The following LDLRAD3 variants were observed in gnomAD, a reference collection of about 807,000 sequenced individuals.
LDLRAD3 encodes the protein low density lipoprotein receptor class A domain containing 3, also known as low-density lipoprotein receptor class A domain-containing protein 3.
LDLRAD3 carries 20 observed loss-of-function variants against 29.4 expected under a neutral mutation model. The observed-to-expected ratio is 0.68, with a 90% CI of 0.48 to 0.99. The LOEUF (loss-of-function observed/expected upper bound fraction) is 0.99, where lower values mean the gene tolerates loss of function less well. Ranked by LOEUF, LDLRAD3 falls within the 50% of genes least tolerant of loss-of-function variation. The pLI, the probability that LDLRAD3 is intolerant of heterozygous loss-of-function variation, is 0.00. For missense variants in LDLRAD3, 420 were observed against 454.3 expected, an observed-to-expected ratio of 0.92 and a Z score of 0.69; for synonymous variants, 157 against 192.7, an observed-to-expected ratio of 0.81 and a Z score of 1.53.
intron 2 of LDLRAD3, among the ~76,000 whole-genome samples, chr11:36,060,343 G>A (rs1440181009): frequency 7.7e-6 from 1 of 129,464 alleles, no homozygotes; most frequent in Non-Finnish European, 1.6e-5. Flanking sequence ...GACAGAGCAA[G>A]ACTCTGTCTC....
In LDLRAD3 at chr11:36,139,665, G is replaced by C. The variant is rs75125790; in HGVS notation, c.454+41204G>C. 9.2e-5 allele frequency among the ~76,000 whole-genome samples: 14 copies of C among 152,278 alleles called. No individual in the cohort carries two copies. In the East Asian group the frequency reaches 2.7e-3, roughly 29 times the overall value. On this transcript the variant is annotated intron_variant, in intron 4 of 5. Transcript: ENST00000315571. Reference sequence around the variant, plus strand: ...ACAGCTGATGAGTCCAAACCTGTGCGCTTCCCCATAAACCACCAAACCCTG... The same window carrying C: ...ACAGCTGATGAGTCCAAACCTGTGCCCTTCCCCATAAACCACCAAACCCTG...
chr11:36,042,780 G>A (rs1282965337), intron 2 of LDLRAD3, among the ~76,000 whole-genome samples: 1 of 152,216 alleles, frequency 6.6e-6, no homozygotes, highest in Non-Finnish European at 1.5e-5. Flanking sequence ...AAGATGATGT[G>A]AAGACTTGGA....
rs1386245157 is a variant in LDLRAD3 at position 36,199,726 on chromosome 11, T to C, written c.455-27359T>C. On this transcript the variant is annotated intron_variant, in intron 4 of 5. Transcript: ENST00000315571. ...GTGTCATAAAGAGTTGTCTTCTCCCTCTTGAGTTGATTTTTCTCTTATATT... is the reference window on the plus strand; with the variant it reads ...GTGTCATAAAGAGTTGTCTTCTCCCCCTTGAGTTGATTTTTCTCTTATATT... 2.0e-5 allele frequency among the ~76,000 whole-genome samples: 3 copies of C among 152,254 alleles called. No individual in the cohort carries two copies. In the South Asian group the frequency reaches 6.2e-4, roughly 31 times the overall value.
intron 3 of LDLRAD3, among the ~76,000 whole-genome samples, chr11:36,095,563 T>C (rs1853348032): frequency 6.6e-6 from 1 of 152,262 alleles, no homozygotes. Context: ...TTTTGGGTTA[T>C]ATGCATTAAA....
At position 35,944,937 on chromosome 11, in the gene LDLRAD3, T is replaced by G. The variant is rs1851037954; in HGVS notation, c.46+793T>G. ...CCTCTTTCCCTTCCAGACAGCGTGC[T>G]GTTCCCAGGAACTTTTCTGCTGATG... On this transcript the variant is annotated intron_variant, in intron 1 of 5. Transcript: ENST00000315571. The surrounding 1 kb of genome is among the most constrained non-coding windows in gnomAD (Gnocchi z 4.9). 6.6e-6 allele frequency among the ~76,000 whole-genome samples: 1 copy of G among 152,258 alleles called. No individual in the cohort carries two copies. Among genetic ancestry groups the G allele is most frequent in the African/African-American group, 2.4e-5 (1 of 41,468 alleles).
At chr11:36,187,428 A>G (rs1420567100) in intron 4 of LDLRAD3, among the ~76,000 whole-genome samples, 1 of 152,202 alleles carries the variant, frequency 6.6e-6, no homozygotes. Context: ...ATGTTGTTTT[A>G]TTATAGGAAC....
intron 4 of LDLRAD3, among the ~76,000 whole-genome samples, chr11:36,210,678 G>A (rs1392567558): frequency 5.3e-5 from 8 of 152,094 alleles, no homozygotes; most frequent in African/African-American, 1.9e-4. Context: ...GTATAAATAT[G>A]AGACATCCAA....
intron 2 of LDLRAD3, among the ~76,000 whole-genome samples, chr11:36,078,051 T>C (rs1488891558): frequency 6.6e-6 from 1 of 152,150 alleles, no homozygotes; most frequent in Non-Finnish European, 1.5e-5. Context: ...TTGATGAGTG[T>C]TCAGCTCTCA....
intron 4 of LDLRAD3, among the ~76,000 whole-genome samples, chr11:36,131,769 G>A (rs1036452178): frequency 6.6e-6 from 1 of 152,198 alleles, no homozygotes; most frequent in African/African-American, 2.4e-5. Context: ...CCTATTTATA[G>A]TTTCTAACAT....
chr11:36,026,365 A>G (rs919638079), intron 1 of LDLRAD3, among the ~76,000 whole-genome samples: 3 of 152,134 alleles, frequency 2.0e-5, no homozygotes, highest in African/African-American at 4.8e-5. Flanking sequence ...GTCTCACTGA[A>G]TGTTCTCTTG....
rs754835407 is a variant in LDLRAD3, at chr11:36,215,059, C to T, written c.455-12026C>T. ...TGGGTGGGGGGATGGAGAGTGATGT[C>T]GGTGGGCCAGAAAGGAGTAGAGTCT... On this transcript the variant is annotated intron_variant, in intron 4 of 5. Coordinates refer to ENST00000315571, the MANE Select transcript of LDLRAD3 (RefSeq NM_174902.4). Among the ~76,000 whole-genome samples the T allele has an allele frequency of 2.0e-5, 3 of 152,074 alleles. No homozygotes were observed. The East Asian group carries it at 5.8e-4, about 29-fold the overall frequency.
intron 4 of LDLRAD3, among the ~76,000 whole-genome samples, chr11:36,212,126 A>G (rs1012152351): frequency 1.3e-5 from 2 of 152,190 alleles, no homozygotes; most frequent in Admixed American, 1.3e-4. Flanking sequence ...TCATTTCCAG[A>G]TGTGGCCTGC....
chr11:36,144,058 G>A (rs1854130608), intron 4 of LDLRAD3, among the ~76,000 whole-genome samples: 2 of 151,888 alleles, frequency 1.3e-5, no homozygotes, highest in South Asian at 4.2e-4. Context: ...CCTGCCAAGT[G>A]CCTGCGATTG....
intron 1 of LDLRAD3, among the ~76,000 whole-genome samples, chr11:36,027,245 A>T (rs1489052893): frequency 6.6e-6 from 1 of 152,198 alleles, no homozygotes; most frequent in African/African-American, 2.4e-5. Context: ...TTTGATTACA[A>T]GTGAGATTGA....
At chr11:36,216,012 G>A (rs949539480) in intron 4 of LDLRAD3, among the ~76,000 whole-genome samples, 11 of 152,132 alleles carry the variant, frequency 7.2e-5, no homozygotes, top group African/African-American at 4.8e-5. Flanking sequence ...TGTAAGACGC[G>A]GCAGAGTGTC....
intron 4 of LDLRAD3, chr11:36,163,735 G>T (rs1037344978): frequency 6.6e-6 from 1 of 152,162 alleles, no homozygotes; most frequent in Non-Finnish European, 1.5e-5. Flanking sequence ...AGGGAAAAGG[G>T]AGAGAGAAAG....
chr11:36,129,812 G>T (rs1304711167), intron 4 of LDLRAD3, among the ~76,000 whole-genome samples: 1 of 152,142 alleles, frequency 6.6e-6, no homozygotes, highest in Non-Finnish European at 1.5e-5. Flanking sequence ...TGCTCAGTGA[G>T]ACCTTCCCTG....
intron 4 of LDLRAD3, among the ~76,000 whole-genome samples, chr11:36,172,490 G>C (rs541260393): frequency 1.3e-5 from 2 of 151,816 alleles, no homozygotes. Context: ...TTACATTAAG[G>C]TATGTCCCTT....
chr11:36,001,598 T>C (rs1302943309), intron 1 of LDLRAD3, among the ~76,000 whole-genome samples: 1 of 152,222 alleles, frequency 6.6e-6, no homozygotes, highest in African/African-American at 2.4e-5. Flanking sequence ...TGGTGGTCTT[T>C]AACCTCCCCT....
Sources: gnomAD v4.1 joint callset for allele counts (sites outside exome capture counted in the v4.1 genomes callset) on GRCh38, gnomAD v4.1.1 for gene constraint, Gnocchi (gnomAD v3.1) non-coding constraint, MANE v1.5 for transcripts, NCBI Gene and HGNC (gene_info 2026-07-23, HGNC 2026-07-21) for gene names.